MGST1: variants seen among roughly 807,000 people sequenced by gnomAD.
MGST1 encodes glutathione S-transferase 12.
MGST1 carries 5 observed loss-of-function variants against 8.9 expected under a neutral mutation model. The observed-to-expected ratio is 0.56, with a 90% CI of 0.29 to 1.19. The LOEUF is 1.19. MGST1 is among the 50% of genes most tolerant of loss of function. The pLI is 0.08. For missense variants in MGST1, 182 were observed against 187.4 expected, an observed-to-expected ratio of 0.97 and a Z score of 0.17; for synonymous variants, 54 against 67.8, an observed-to-expected ratio of 0.80 and a Z score of 1.00.
chr12:16,568,040 GA>G (rs1290517004), intron 4 of MGST1, among the ~76,000 whole-genome samples: 1 of 152,104 alleles, frequency 6.6e-6, no homozygotes, highest in African/African-American at 2.4e-5. Flanking sequence ...TGGAATTCTT[GA>G]GATCTAGACT....
chr12:16,427,049 G>T (rs1940897288), intron 1 of MGST1, among the ~76,000 whole-genome samples: 2 of 151,106 alleles, frequency 1.3e-5, no homozygotes, highest in South Asian at 4.2e-4. Flanking sequence ...AATTTCTATT[G>T]TGTGTTAAAC....
intron 1 of MGST1, among the ~76,000 whole-genome samples, chr12:16,437,206 T>A (rs1185203353): frequency 6.6e-6 from 1 of 151,792 alleles, no homozygotes; most frequent in African/African-American, 2.4e-5. Flanking sequence ...TGCTATGAAC[T>A]AAAGGAGGGT....
intron 3 of MGST1, 59 bp downstream of exon 3, chr12:16,357,758 A>G (rs1197866656): frequency 2.1e-6 from 3 of 1,397,866 alleles, no homozygotes; most frequent in Non-Finnish European, 3.0e-6. Context: ...CAAGGAGTTC[A>G]GTGAAGATGT....
intron 1 of MGST1, chr12:16,399,905 G>C (rs1448527612): frequency 2.4e-6 from 3 of 1,268,906 alleles, no homozygotes; most frequent in Admixed American, 1.7e-5. Context: ...AAGTAAATCA[G>C]CTCTACTTCA....
intron 1 of MGST1, among the ~76,000 whole-genome samples, chr12:16,416,097 A>G (rs1940786887): frequency 6.6e-6 from 1 of 152,140 alleles, no homozygotes; most frequent in African/African-American, 2.4e-5. Flanking sequence ...TACCATTTTC[A>G]TTTGGTTCTT....
intron 1 of MGST1, among the ~76,000 whole-genome samples, chr12:16,421,280 A>T (rs528509984): frequency 6.6e-6 from 1 of 152,152 alleles, no homozygotes; most frequent in Non-Finnish European, 1.5e-5. Flanking sequence ...CTCTAAAAAT[A>T]TGGTGACTCC....
intron 4 of MGST1, among the ~76,000 whole-genome samples, chr12:16,543,039 C>A (rs1003283845): frequency 2.0e-5 from 3 of 152,136 alleles, no homozygotes; most frequent in African/African-American, 7.2e-5. Flanking sequence ...TTGTAGATAT[C>A]TCTACTTCCT....
At position 16,452,902 on chromosome 12, in the gene MGST1, TA is replaced by T. The variant is rs572382841; in HGVS notation, n.482+69301del. The stretch of plus-strand genomic sequence containing the variant: ...GGAAGGTTTTATAAAAAGATGTGCC[TA>T]AATTATCAATCATGGTCTTTCTTTA... On this transcript the variant is annotated intron_variant and non_coding_transcript_variant, in intron 4 of 4. Coordinates refer to the MGST1 transcript ENST00000538857. Among the ~76,000 whole-genome samples, 13 of 152,022 alleles carry T rather than the reference TA, an allele frequency of 8.6e-5. No individual in the cohort carries two copies. The East Asian group carries it at 2.5e-3, about 30-fold the overall frequency.
intron 1 of MGST1, chr12:16,402,246 TA>T (rs1940662276): frequency 1.3e-6 from 2 of 1,588,090 alleles, no homozygotes; most frequent in African/African-American, 1.3e-5. Context: ...AGTTAGTTCA[TA>T]ACCAAAGAGC....
intron 4 of MGST1, among the ~76,000 whole-genome samples, chr12:16,577,979 G>T (rs1161398512): frequency 1.3e-5 from 2 of 152,042 alleles, no homozygotes; most frequent in Non-Finnish European, 2.9e-5. Flanking sequence ...CCTGTATTTT[G>T]TCTGGCAACA....
intron 1 of MGST1, chr12:16,400,723 G>T: frequency 7.5e-7 from 1 of 1,331,538 alleles, no homozygotes; most frequent in African/African-American, 1.4e-5. Context: ...TGATTTGCAA[G>T]TAAGTATAAT....
exon 4 of MGST1, chr12:16,376,447 G>C (rs1033938078): frequency 4.1e-5 from 9 of 217,878 alleles, no homozygotes; most frequent in African/African-American, 1.8e-4. Flanking sequence ...AAATGCAAAG[G>C]ATTAAAATAG....
chr12:16,357,722 T>G (rs1440691625), intron 3 of MGST1, 23 bp downstream of exon 3: 2 of 1,580,294 alleles, frequency 1.3e-6, no homozygotes, highest in Admixed American at 1.7e-5. Flanking sequence ...CTCTTGAAAT[T>G]ACTTACTTTA....
Position 16,402,355 on chromosome 12 carries a change from C to T in MGST1, n.778+18751C>T, listed in dbSNP as rs1329338422. The T allele has an allele frequency of 6.2e-6, 10 of 1,602,368 alleles. No individual in the cohort carries two copies. In the African/African-American group the frequency reaches 1.3e-4, roughly 21 times the overall value. On this transcript the variant is annotated intron_variant and non_coding_transcript_variant, in intron 1 of 1. Coordinates refer to the MGST1 transcript ENST00000359720. ...CGTTGGCATACTCATCTTCTCCTTT[C>T]TGCCAATTGCTGTACAGTCTCTTCA... is the stretch of plus-strand genomic sequence containing the variant.
At chr12:16,433,142 C>T (rs151211842) in intron 1 of MGST1, among the ~76,000 whole-genome samples, 2,133 of 152,192 alleles carry the variant, frequency 0.014, 18 homozygotes, top group Non-Finnish European at 0.02. Context: ...GTCTGACATT[C>T]CAGGACAGAA....
rs1050858919 is a variant in MGST1 at position 16,559,271 on chromosome 12, C to T, written n.483-30257C>T. ...CATTTTAATGTTCTAAAATCCTCTC[C>T]ATTTATCATATAAAACAGGTGCCAG... On this transcript the variant is annotated intron_variant and non_coding_transcript_variant, in intron 4 of 4. Transcript: ENST00000538857. This position sits in a 1 kb window ranked among gnomAD's most constrained non-coding sequence, Gnocchi z 4.1. Among the ~76,000 whole-genome samples the T allele has an allele frequency of 1.3e-5, 2 of 152,102 alleles. No individual in the cohort carries two copies. The highest frequency in any genetic ancestry group is 2.4e-5 in the African/African-American group (1 of 41,426).
At chr12:16,564,169 A>G (rs1462445741) in intron 4 of MGST1, among the ~76,000 whole-genome samples, 7 of 152,226 alleles carry the variant, frequency 4.6e-5, no homozygotes, top group Admixed American at 4.6e-4. Flanking sequence ...AGACATGAAT[A>G]TAAAAATCAA....
Position 16,584,005 on chromosome 12 carries a change from A to T in MGST1, n.483-5523A>T, listed in dbSNP as rs189055197. ...GATTCCTGAGATGAAATACTTTTCC[A>T]TAAGGAAAAGACACTGTATATAATT... On this transcript the variant is annotated intron_variant and non_coding_transcript_variant, in intron 4 of 4. Transcript: ENST00000538857. The surrounding 1 kb of genome is among the most constrained non-coding windows in gnomAD (Gnocchi z 5.2). Among the ~76,000 whole-genome samples the T allele has an allele frequency of 3.8e-3, 583 of 152,344 alleles. 3 individuals are homozygous for T. Among genetic ancestry groups the T allele is most frequent in the Admixed American group, 6.3e-3 (97 of 15,298 alleles).
In MGST1 at chr12:16,560,631, A is replaced by G. The variant is rs1942368357; in HGVS notation, n.483-28897A>G. On this transcript the variant is annotated intron_variant and non_coding_transcript_variant, in intron 4 of 4. Transcript: ENST00000538857. The surrounding 1 kb of genome is among the most constrained non-coding windows in gnomAD (Gnocchi z 5.0). The stretch of plus-strand genomic sequence containing the variant: ...TGATGTTAATATACTCTGTAAAGCT[A>G]CAATACACAATGCTTTATGATGTAC... 2.8e-6 allele frequency: 3 copies of G among 1,083,738 alleles called. No individual in the cohort carries two copies. Among genetic ancestry groups the G allele is most frequent in the Admixed American group, 2.2e-5 (1 of 46,398 alleles). 67.1% of individuals were successfully genotyped at this position (1,083,738 alleles called of 1,614,324 possible).
Sources: gnomAD v4.1 joint callset for allele counts (sites outside exome capture counted in the v4.1 genomes callset) on GRCh38, gnomAD v4.1.1 for gene constraint, Gnocchi (gnomAD v3.1) non-coding constraint, MANE v1.5 for transcripts, NCBI Gene and HGNC (gene_info 2026-07-23, HGNC 2026-07-21) for gene names.